The following HMOX2 variants were observed in gnomAD, a reference collection of about 807,000 sequenced individuals.
HMOX2 encodes the protein heme oxygenase 2, also known as heme oxygenase (decycling) 2.
In HMOX2, 30 loss-of-function variants were observed where a neutral mutation model predicts 33.7. The observed-to-expected ratio is 0.89, with a 90% confidence interval of 0.67 to 1.21. HMOX2 has a LOEUF of 1.21. HMOX2 is among the 50% of genes most tolerant of loss of function. HMOX2 has a pLI of 0.00. For synonymous variants in HMOX2, 155 were observed against 155.0 expected (o/e 1.00, Z 0.00); for missense variants, 403 against 399.1 (o/e 1.01, Z -0.08).
rs1178142212 is a variant in HMOX2, at chr16:4,508,072, G to GT, written c.567dup (p.Glu190Ter). 1.2e-6 allele frequency: 2 copies of GT among 1,614,048 alleles called. No homozygotes were observed. Among genetic ancestry groups the GT allele is most frequent in the South Asian group, 1.1e-5 (1 of 91,074 alleles). On this transcript the variant is annotated frameshift_variant, in exon 4 of 6. Transcript: ENST00000570646. LOFTEE classifies it high-confidence loss of function. ...CAGGGGAAGGGACCCAGTTCTACCT[G>GT]TTTGAGAATGTGGACAATGCCCAGC...
At chr16:4,508,249 T>C in intron 4 of HMOX2, 45 bp downstream of exon 4, 1 of 1,555,118 alleles carries the variant, frequency 6.4e-7, no homozygotes, top group Non-Finnish European at 8.7e-7. Context: ...GAGGGAAACT[T>C]TGACAGTGGT....
At chr16:4,508,514 GTTAA>G (rs1031409324) in intron 4 of HMOX2, among the ~76,000 whole-genome samples, 3 of 152,172 alleles carry the variant, frequency 2.0e-5, no homozygotes, top group Non-Finnish European at 4.4e-5. Context: ...TTGAAGAATG[GTTAA>G]TTTTCTTTTC....
chr16:4,510,024 C>T lies in HMOX2; in HGVS notation c.*268C>T. ...CCCGACCCAGCTCTACTCCAGGCTT[C>T]CACACTTCTGGGCCCTAGGCTGCTT... On this transcript the variant is annotated 3_prime_UTR_variant, in exon 6 of 6. Coordinates refer to ENST00000570646, the MANE Select transcript of HMOX2 (RefSeq NM_002134.4). 2 of 515,074 alleles carry T rather than the reference C, an allele frequency of 3.9e-6. No homozygotes were observed. Among genetic ancestry groups the T allele is most frequent in the Non-Finnish European group, 7.0e-6 (2 of 286,316 alleles). The allele number at this position is 515,074 out of a possible 1,614,324, so 31.9% of individuals were successfully genotyped here. A position where few individuals can be genotyped will look rare whatever the true frequency, so the allele number is the denominator to read the frequency against.
At chr16:4,476,978 A>G (rs1596427866) in intron 1 of HMOX2, among the ~76,000 whole-genome samples, 1 of 152,046 alleles carries the variant, frequency 6.6e-6, no homozygotes. Flanking sequence ...CCTTATCTCT[A>G]TAGGAAGTGC....
intron 3 of HMOX2, 144 bp from the exon 4 acceptor site, chr16:4,507,569 C>T: frequency 1.2e-6 from 1 of 809,196 alleles, no homozygotes; most frequent in Non-Finnish European, 1.9e-6. Context: ...CAAAAGCTTC[C>T]TTGTGTGTTA....
chr16:4,483,211 G>A (rs2058077086), intron 1 of HMOX2, among the ~76,000 whole-genome samples: 1 of 74,602 alleles, frequency 1.3e-5, no homozygotes, highest in Non-Finnish European at 3.0e-5. Context: ...GTGTGTGTGT[G>A]TGTGTGTGTG....
chr16:4,494,536 C>T (rs561180748), intron 1 of HMOX2, among the ~76,000 whole-genome samples: 1 of 152,104 alleles, frequency 6.6e-6, no homozygotes, highest in Non-Finnish European at 1.5e-5. Flanking sequence ...AGATGTGTTC[C>T]AAACAATTTG....
intron 1 of HMOX2, among the ~76,000 whole-genome samples, chr16:4,504,354 A>ATTTT (rs34314976): frequency 4.1e-5 from 3 of 72,862 alleles, no homozygotes; most frequent in Admixed American, 1.6e-4. Flanking sequence ...GTAACTTTCA[A>ATTTT]TTTTTTTTTT....
rs144293425 is a variant in HMOX2 at position 4,506,998 on chromosome 16, A to G, written c.190A>G (p.Lys64Glu). ...VKDFLKGNIK[K>E]ELFKLATTAL... ...GGACTTCTTGAAAGGCAACATTAAG[A>G]AGGAGCTGTTTAAGGTTTGTGCCCC... Residue 64 changes from lysine (K) to glutamate (E), a missense_variant, in exon 3 of 6, where the codon AAG becomes GAG. Coordinates refer to ENST00000570646, the MANE Select transcript of HMOX2 (RefSeq NM_002134.4). The G allele has an allele frequency of 1.7e-5, 27 of 1,608,918 alleles. No individual in the cohort carries two copies. Among genetic ancestry groups the G allele is most frequent in the Admixed American group, 3.3e-5 (2 of 59,978 alleles).
In HMOX2 at chr16:4,509,621, C is replaced by A; in HGVS notation, c.824-8C>A. 2 of 1,613,452 alleles carry A rather than the reference C, an allele frequency of 1.2e-6. No individual in the cohort carries two copies. On this transcript the variant is annotated splice_region_variant and splice_polypyrimidine_tract_variant and intron_variant, in intron 5 of 5. Transcript: ENST00000570646. ...GATGCCATGTCTCCTATTGGTGCTG[C>A]CACACAGGTGCCCTGGAGGGCAGCA...
chr16:4,492,611 C>T (rs1248026274), intron 1 of HMOX2, among the ~76,000 whole-genome samples: 2 of 151,920 alleles, frequency 1.3e-5, no homozygotes, highest in Admixed American at 6.6e-5. Flanking sequence ...CCCTACTACT[C>T]GGGAGTCTGA....
intron 3 of HMOX2, among the ~76,000 whole-genome samples, chr16:4,507,345 TGAGGTGGGA>T (rs2058719222): frequency 1.3e-5 from 2 of 151,804 alleles, no homozygotes; most frequent in South Asian, 4.2e-4. Flanking sequence ...CTTGGGAGGC[TGAGGTGGGA>T]GAGTCACTTG....
At chr16:4,503,434 T>A (rs900167251) in intron 1 of HMOX2, among the ~76,000 whole-genome samples, 2 of 152,228 alleles carry the variant, frequency 1.3e-5, no homozygotes, top group Non-Finnish European at 2.9e-5. Flanking sequence ...GACTGTGCTG[T>A]GCATCGTACA....
chr16:4,486,985 C>G lies in HMOX2; in HGVS notation c.-42+10498C>G, dbSNP rs368319490. The stretch of plus-strand genomic sequence containing the variant: ...GTTTGAAAAAGGGCTTGAGGCTGGG[C>G]GTGGTGGCCCACGCCTGTAATCCCA... On this transcript the variant is annotated intron_variant, in intron 1 of 5. Transcript: ENST00000570646. 1.8e-4 allele frequency among the ~76,000 whole-genome samples: 28 copies of G among 152,196 alleles called. No homozygotes were observed. The East Asian group carries it at 4.8e-3, about 26-fold the overall frequency.
At chr16:4,488,639 C>T (rs1016374040) in intron 1 of HMOX2, 1 of 152,248 alleles carries the variant, frequency 6.6e-6, no homozygotes, top group African/African-American at 2.4e-5. Context: ...TGACCCCTTC[C>T]CTAGAGAACA....
At chr16:4,474,881 T>C (rs2057771184), upstream of HMOX2, 3 of 152,262 alleles carry the variant, frequency 2.0e-5, no homozygotes, top group Admixed American at 2.0e-4. Context: ...ATTAAAGCTA[T>C]GTCCATGAGT....
chr16:4,495,270 C>T (rs2058391627), intron 1 of HMOX2, among the ~76,000 whole-genome samples: 1 of 152,172 alleles, frequency 6.6e-6, no homozygotes, highest in South Asian at 2.1e-4. Context: ...AAGCAGATTC[C>T]ATTCCCCTTA....
chr16:4,497,975 C>G (rs1175672544), intron 1 of HMOX2, among the ~76,000 whole-genome samples: 6 of 151,258 alleles, frequency 4.0e-5, no homozygotes, highest in Admixed American at 2.6e-4. Context: ...TGCCTGCCTT[C>G]TTGCCCAAAT....
chr16:4,508,082 G>A lies in HMOX2; in HGVS notation c.574G>A (p.Val192Met). The A allele has an allele frequency of 6.2e-7, 1 of 1,614,196 alleles. No individual in the cohort carries two copies. The highest frequency in any genetic ancestry group is 8.5e-7 in the Non-Finnish European group (1 of 1,180,028). ...EGTQFYLFEN[V>M]DNAQQFKQLY... ...GACCCAGTTCTACCTGTTTGAGAAT[G>A]TGGACAATGCCCAGCAGTTCAAGCA... Residue 192 changes from valine to methionine, a missense_variant, in exon 4 of 6, where the codon GTG (valine) becomes ATG (methionine). Physicochemically the swap from Val to Met is conservative, Grantham distance 21 (BLOSUM62 1). Transcript: ENST00000570646.
Sources: gnomAD v4.1 joint callset for allele counts (sites outside exome capture counted in the v4.1 genomes callset) on GRCh38, gnomAD v4.1.1 for gene constraint, MANE v1.5 for transcripts, NCBI Gene and HGNC (gene_info 2026-07-23, HGNC 2026-07-21) for gene names.